SNW1: variants seen among roughly 807,000 people sequenced by gnomAD.
SNW1 encodes SNW domain containing 1, also known as SNW domain-containing protein 1.
In SNW1, 9 loss-of-function variants were observed where a neutral mutation model predicts 75.6. That is an observed-to-expected ratio of 0.12 (90% CI 0.07 to 0.21). SNW1 has a LOEUF of 0.21. Ranked by LOEUF, SNW1 falls within the 10% of genes least tolerant of loss-of-function variation. The pLI is 1.00. For synonymous variants in SNW1, 200 were observed against 219.1 expected, an observed-to-expected ratio of 0.91 and a Z score of 0.77; for missense variants, 409 against 670.9, an observed-to-expected ratio of 0.61 and a Z score of 4.31.
At chr14:77,724,957 ATT>A (rs2080573063) in intron 10 of SNW1, among the ~76,000 whole-genome samples, 1 of 152,140 alleles carries the variant, frequency 6.6e-6, no homozygotes, top group African/African-American at 2.4e-5. Flanking sequence ...ACTAATTTAT[ATT>A]CTTACTAAAA....
intron 7 of SNW1, among the ~76,000 whole-genome samples, chr14:77,735,413 G>A (rs946683053): frequency 7.9e-5 from 12 of 152,076 alleles, no homozygotes. Flanking sequence ...AGCCTCCCAA[G>A]TAGCTGGGAT....
At chr14:77,757,413 A>C (rs2080849358) in intron 1 of SNW1, among the ~76,000 whole-genome samples, 2 of 152,212 alleles carry the variant, frequency 1.3e-5, no homozygotes, top group Admixed American at 1.3e-4. Context: ...ACCTCTCTGA[A>C]TCTGTTTTCT....
At chr14:77,745,519 C>T (rs2080754109) in intron 3 of SNW1, among the ~76,000 whole-genome samples, 1 of 152,080 alleles carries the variant, frequency 6.6e-6, no homozygotes, top group South Asian at 2.1e-4. Flanking sequence ...ACCAGCCTAA[C>T]CAACAAGGTG....
intron 11 of SNW1, 103 bp downstream of exon 11, chr14:77,723,078 A>G: frequency 1.2e-6 from 1 of 837,814 alleles, no homozygotes; most frequent in Non-Finnish European, 2.0e-6. Flanking sequence ...CGATCTCCTG[A>G]CCTCGTGATC....
intron 1 of SNW1, among the ~76,000 whole-genome samples, chr14:77,757,986 C>G (rs1182399115): frequency 8.2e-6 from 1 of 121,798 alleles, no homozygotes; most frequent in East Asian, 2.4e-4. Flanking sequence ...TTCTCTATTG[C>G]AATCAATCAA....
chr14:77,745,054 A>G (rs899809656), intron 3 of SNW1, among the ~76,000 whole-genome samples: 1 of 152,218 alleles, frequency 6.6e-6, no homozygotes, highest in Non-Finnish European at 1.5e-5. Flanking sequence ...TTCAGGCAGT[A>G]AGTAAGGCAC....
At chr14:77,720,971 A>T in intron 11 of SNW1, 143 bp from the exon 12 acceptor site, 1 of 654,424 alleles carries the variant, frequency 1.5e-6, no homozygotes, top group Non-Finnish European at 2.7e-6. Context: ...TTGATGATAC[A>T]TAATCAAGCT....
intron 3 of SNW1, among the ~76,000 whole-genome samples, chr14:77,747,021 A>C (rs372276495): frequency 1.0e-3 from 151 of 151,386 alleles, no homozygotes; most frequent in South Asian, 4.2e-3. Context: ...TCCCTGCCTG[A>C]TTCTCCTGCC....
At chr14:77,738,065 G>A (rs1022328750) in intron 5 of SNW1, among the ~76,000 whole-genome samples, 1 of 151,250 alleles carries the variant, frequency 6.6e-6, no homozygotes, top group East Asian at 1.9e-4. Context: ...AGCACTTTGG[G>A]ACCTGAGGAG....
At chr14:77,721,865 G>A (rs971568389) in intron 11 of SNW1, among the ~76,000 whole-genome samples, 2 of 151,858 alleles carry the variant, frequency 1.3e-5, no homozygotes, top group African/African-American at 2.4e-5. Flanking sequence ...CTCCCACTTC[G>A]GCCTCTCGAG....
chr14:77,754,473 G>T (rs2080829946), intron 2 of SNW1, among the ~76,000 whole-genome samples: 1 of 152,002 alleles, frequency 6.6e-6, no homozygotes, highest in Non-Finnish European at 1.5e-5. Flanking sequence ...CTATATATCA[G>T]ATATATATTA....
chr14:77,747,531 C>T (rs962654470), intron 3 of SNW1, among the ~76,000 whole-genome samples: 94 of 151,720 alleles, frequency 6.2e-4, no homozygotes, highest in Non-Finnish European at 6.5e-4. Context: ...GCCCCGCCGC[C>T]CGGTCTGGGA....
chr14:77,719,110 C>T (rs909454420), intron 12 of SNW1, among the ~76,000 whole-genome samples: 2 of 152,082 alleles, frequency 1.3e-5, no homozygotes, highest in African/African-American at 4.8e-5. Flanking sequence ...TGCCATATTG[C>T]CCAGGCCGGT....
At chr14:77,724,077 T>G (rs1408324576) in intron 10 of SNW1, among the ~76,000 whole-genome samples, 4 of 152,266 alleles carry the variant, frequency 2.6e-5, no homozygotes, top group African/African-American at 9.6e-5. Flanking sequence ...AAGGGTAAAA[T>G]GTATTGCTGT....
At chr14:77,749,352 T>C (rs1175758914) in intron 3 of SNW1, among the ~76,000 whole-genome samples, 8 of 151,306 alleles carry the variant, frequency 5.3e-5, no homozygotes. Context: ...AATTGAAGAG[T>C]GAAAGGAAAG....
chr14:77,742,679 T>C (rs2080727814), intron 3 of SNW1, among the ~76,000 whole-genome samples: 2 of 151,986 alleles, frequency 1.3e-5, no homozygotes, highest in South Asian at 4.2e-4. Context: ...GTTGTTACGG[T>C]TTTTTAGGGG....
intron 12 of SNW1, chr14:77,720,433 C>A: frequency 1.4e-6 from 1 of 691,036 alleles, no homozygotes; most frequent in Non-Finnish European, 2.6e-6. Context: ...CCATGCCTGG[C>A]CTCCCTGGTT....
At chr14:77,748,135 T>C (rs930876072) in intron 3 of SNW1, among the ~76,000 whole-genome samples, 1 of 152,236 alleles carries the variant, frequency 6.6e-6, no homozygotes, top group African/African-American at 2.4e-5. Flanking sequence ...CTCTGAAACA[T>C]GTGCTGTGTC....
At position 77,729,785 on chromosome 14, in the gene SNW1, T is replaced by G. The variant is rs370020256; in HGVS notation, c.1033+1203A>C. On this transcript the variant is annotated intron_variant, in intron 10 of 13. Transcript: ENST00000261531. The stretch of plus-strand genomic sequence containing the variant: ...GTATATTAAAACATCATGTTGTATG[T>G]TTTATACAATTTTTATTTGCCAATT... Among the ~76,000 whole-genome samples, 20 of 152,192 alleles carry G rather than the reference T, an allele frequency of 1.3e-4. 1 individual carries two copies. Among genetic ancestry groups the G allele is most frequent in the Admixed American group, 6.5e-4 (10 of 15,274 alleles).
Sources: gnomAD v4.1 joint callset for allele counts (sites outside exome capture counted in the v4.1 genomes callset) on GRCh38, gnomAD v4.1.1 for gene constraint, MANE v1.5 for transcripts, NCBI Gene and HGNC (gene_info 2026-07-23, HGNC 2026-07-21) for gene names.